The following LAMA2 variants were observed in gnomAD, a reference collection of about 807,000 sequenced individuals.
The protein encoded by LAMA2 is laminin subunit alpha-2.
A neutral mutation model predicts 364.8 loss-of-function variants in LAMA2; 269 were observed. That is an observed-to-expected ratio of 0.74 (90% CI 0.67 to 0.82). The LOEUF (loss-of-function observed/expected upper bound fraction) is 0.82, where lower values mean the gene tolerates loss of function less well. Among genes scored for constraint, LAMA2 ranks in the 40% least tolerant of loss-of-function variants. LAMA2 has a pLI of 0.00. For synonymous variants in LAMA2, 1,379 were observed against 1,370.6 expected (o/e 1.01, Z -0.14); for missense variants, 3,807 against 3,873.2 (o/e 0.98, Z 0.45).
At chr6:129,221,385 C>A (rs7762690) in intron 12 of LAMA2, among the ~76,000 whole-genome samples, 18,581 of 138,870 alleles carry the variant, frequency 0.13, 3,091 homozygotes, top group African/African-American at 0.4. Flanking sequence ...AAGGAAAGGC[C>A]AAACTGCCTG....
intron 1 of LAMA2, among the ~76,000 whole-genome samples, chr6:128,984,923 C>T (rs1214328509): frequency 6.6e-6 from 1 of 152,114 alleles, no homozygotes; most frequent in Non-Finnish European, 1.5e-5. Flanking sequence ...TCACAATTTA[C>T]TAGGAACCAT....
chr6:129,239,335 C>T (rs572931608), intron 12 of LAMA2, among the ~76,000 whole-genome samples: 6 of 152,284 alleles, frequency 3.9e-5, no homozygotes, highest in African/African-American at 1.4e-4. Context: ...CTTCCTAATA[C>T]TATCTGTACA....
intron 1 of LAMA2, among the ~76,000 whole-genome samples, chr6:129,019,989 G>A (rs936103081): frequency 2.6e-5 from 4 of 151,840 alleles, no homozygotes; most frequent in African/African-American, 9.7e-5. Context: ...GGAGGCTGAG[G>A]CAGGAGAATT....
intron 37 of LAMA2, among the ~76,000 whole-genome samples, chr6:129,399,709 T>C (rs968137846): frequency 1.3e-5 from 2 of 151,986 alleles, no homozygotes. Context: ...GAAGAGCACA[T>C]AGTGGGAATA....
At chr6:128,953,267 C>A (rs775557142) in intron 1 of LAMA2, among the ~76,000 whole-genome samples, 3 of 151,954 alleles carry the variant, frequency 2.0e-5, no homozygotes, top group Admixed American at 6.6e-5. Flanking sequence ...TGTTTCCTGG[C>A]GTTACTTTAA....
rs765680063 is a variant in LAMA2 at position 129,503,225 on chromosome 6, G to A, written c.8492G>A (p.Ser2831Asn). Reference sequence around the variant, plus strand: ...CCCTACTTCAGCTATGACTTGGGGAGTGGGGACACCCACACCATGATCCCC... The same window carrying A: ...CCCTACTTCAGCTATGACTTGGGGAATGGGGACACCCACACCATGATCCCC... ...GLPYFSYDLGSGDTHTMIPTK... is the reference protein window; with the variant it reads ...GLPYFSYDLGNGDTHTMIPTK... The change falls in exon 60 of 65, where the codon AGT becomes AAT. Residue 2831 changes from serine to asparagine, a missense_variant. Ser to Asn is a conservative substitution (Grantham distance 46, BLOSUM62 1). Coordinates refer to ENST00000421865, the MANE Select transcript of LAMA2 (RefSeq NM_000426.4). The A allele has an allele frequency of 5.8e-5, 94 of 1,614,002 alleles. No homozygotes were observed. Among genetic ancestry groups the A allele is most frequent in the Non-Finnish European group, 7.6e-5 (90 of 1,180,020 alleles).
chr6:129,184,582 C>G (rs984700346), intron 10 of LAMA2, among the ~76,000 whole-genome samples: 7 of 151,836 alleles, frequency 4.6e-5, no homozygotes, highest in African/African-American at 1.7e-4. Context: ...CTGTCTTCAA[C>G]AAGAATCCTG....
intron 11 of LAMA2, 60 bp downstream of exon 11, chr6:129,190,405 CGTT>C: frequency 6.4e-7 from 1 of 1,561,370 alleles, no homozygotes; most frequent in Non-Finnish European, 8.8e-7. Flanking sequence ...TTGCTTTCAT[CGTT>C]GTTCTTTTGT....
intron 53 of LAMA2, among the ~76,000 whole-genome samples, chr6:129,477,763 CT>C (rs1311930649): frequency 2.6e-5 from 4 of 151,966 alleles, no homozygotes; most frequent in African/African-American, 9.7e-5. Context: ...AATCTGTAAA[CT>C]AAATTAATCT....
Position 129,402,522 on chromosome 6 carries a change from T to C in LAMA2, c.5726+35T>C, listed in dbSNP as rs759120646. The C allele has an allele frequency of 4.4e-6, 7 of 1,600,678 alleles. No homozygotes were observed. The South Asian group carries it at 7.7e-5, about 18-fold the overall frequency. ...TTGTTTTTGGAAATGTTTGTGTATT[T>C]TGATGCTTGTCCAAAGGTTTTGACT... On this transcript the variant is annotated intron_variant, in intron 39 of 64. Coordinates refer to ENST00000421865, the MANE Select transcript of LAMA2 (RefSeq NM_000426.4).
At chr6:129,064,920 G>T (rs896472696) in intron 3 of LAMA2, among the ~76,000 whole-genome samples, 6 of 152,096 alleles carry the variant, frequency 3.9e-5, no homozygotes, top group African/African-American at 1.4e-4. Context: ...TATGAGGCCA[G>T]CCATTAGCCT....
chr6:128,981,550 C>T (rs1470350849), intron 1 of LAMA2, among the ~76,000 whole-genome samples: 5 of 146,644 alleles, frequency 3.4e-5, no homozygotes, highest in Non-Finnish European at 5.9e-5. Flanking sequence ...CGAGACCAGC[C>T]TGGGCAATAT....
At chr6:129,097,628 A>G (rs750037138) in intron 3 of LAMA2, among the ~76,000 whole-genome samples, 7 of 152,184 alleles carry the variant, frequency 4.6e-5, no homozygotes, top group Non-Finnish European at 1.0e-4. Context: ...AAAGGAATGG[A>G]CATTTATTGA....
rs773658276 is a variant in LAMA2 at position 129,369,910 on chromosome 6, C to T, written c.4879C>T (p.Arg1627Trp). Residue 1627 changes from arginine (R) to tryptophan (W), a missense_variant, in exon 34 of 65, where the codon CGG (arginine) becomes TGG (tryptophan). Transcript: ENST00000421865. ...TTTTCAGCACTTGCTGTCACCTCAG[C>T]GGGCCCCAGAGAGGCTTATTCAGCT... ...QELKHLLSPQ[R>W]APERLIQLAE... 1.4e-5 allele frequency: 23 copies of T among 1,613,836 alleles called. No homozygotes were observed. In the East Asian group the frequency reaches 2.7e-4, roughly 19 times the overall value.
At chr6:129,174,460 G>A (rs1018427933) in intron 9 of LAMA2, among the ~76,000 whole-genome samples, 1 of 151,224 alleles carries the variant, frequency 6.6e-6, no homozygotes, top group Non-Finnish European at 1.5e-5. Flanking sequence ...TATTCATATG[G>A]ACTTCATTTT....
At chr6:129,029,880 G>T (rs1295443799) in intron 1 of LAMA2, among the ~76,000 whole-genome samples, 1 of 151,956 alleles carries the variant, frequency 6.6e-6, no homozygotes, top group Non-Finnish European at 1.5e-5. Flanking sequence ...GACCTCTAGG[G>T]CAACCAATTG....
chr6:129,125,057 T>C (rs1429670930), intron 4 of LAMA2, among the ~76,000 whole-genome samples: 1 of 152,154 alleles, frequency 6.6e-6, no homozygotes, highest in Admixed American at 6.5e-5. Context: ...GTGGAACCAA[T>C]AGTATTTCCT....
intron 58 of LAMA2, among the ~76,000 whole-genome samples, chr6:129,500,069 A>G (rs1785510191): frequency 6.6e-6 from 1 of 151,854 alleles, no homozygotes; most frequent in African/African-American, 2.4e-5. Context: ...CACCCATCAG[A>G]CTTGGTTTCA....
At chr6:129,246,958 C>G (rs774268907) in intron 12 of LAMA2, among the ~76,000 whole-genome samples, 1 of 152,024 alleles carries the variant, frequency 6.6e-6, no homozygotes, top group Non-Finnish European at 1.5e-5. Flanking sequence ...ATTGCAAAGT[C>G]TCTTACACAA....
Sources: gnomAD v4.1 joint callset for allele counts (sites outside exome capture counted in the v4.1 genomes callset) on GRCh38, gnomAD v4.1.1 for gene constraint, MANE v1.5 for transcripts, NCBI Gene and HGNC (gene_info 2026-07-23, HGNC 2026-07-21) for gene names.